Variants in HCN1 observed in about 807,000 individuals in gnomAD.
HCN1 encodes the protein hyperpolarization activated cyclic nucleotide gated potassium channel 1.
In HCN1, 13 loss-of-function variants were observed where a neutral mutation model predicts 78.9. The observed-to-expected ratio is 0.16, with a 90% CI of 0.11 to 0.26. The LOEUF is 0.26. Ranked by LOEUF, HCN1 falls within the 10% of genes least tolerant of loss-of-function variation. The pLI, the probability that HCN1 is intolerant of heterozygous loss-of-function variation, is 1.00. For synonymous variants in HCN1, 552 were observed against 455.5 expected, an observed-to-expected ratio of 1.21 and a Z score of -2.70; for missense variants, 810 against 1,154.3, an observed-to-expected ratio of 0.70 and a Z score of 4.32.
At chr5:45,373,462 A>G (rs1747481565) in intron 4 of HCN1, among the ~76,000 whole-genome samples, 1 of 138,666 alleles carries the variant, frequency 7.2e-6, no homozygotes, top group Non-Finnish European at 1.5e-5. Flanking sequence ...TATATTATAT[A>G]CATTATATAC....
chr5:45,347,097 C>A (rs1023360136), intron 5 of HCN1, among the ~76,000 whole-genome samples: 13 of 152,184 alleles, frequency 8.5e-5, no homozygotes, highest in African/African-American at 2.4e-4. Context: ...CCCCGAACAG[C>A]CTAACTGGGA....
At chr5:45,557,183 A>G (rs1743487447) in intron 2 of HCN1, among the ~76,000 whole-genome samples, 1 of 152,050 alleles carries the variant, frequency 6.6e-6, no homozygotes, top group Non-Finnish European at 1.5e-5. Context: ...CACATTTGGA[A>G]TTTGAAAACT....
intron 2 of HCN1, among the ~76,000 whole-genome samples, chr5:45,574,390 A>G (rs1229711519): frequency 6.6e-6 from 1 of 152,018 alleles, no homozygotes. Flanking sequence ...TTCTAATGTA[A>G]CTGCTTTGGG....
chr5:45,285,074 A>G (rs1469324652), intron 6 of HCN1, among the ~76,000 whole-genome samples: 2 of 152,062 alleles, frequency 1.3e-5, no homozygotes, highest in South Asian at 2.1e-4. Flanking sequence ...GAGATTCCAG[A>G]TCATCAGAAA....
intron 3 of HCN1, among the ~76,000 whole-genome samples, chr5:45,439,515 C>T (rs1740630294): frequency 6.6e-6 from 1 of 152,048 alleles, no homozygotes; most frequent in Non-Finnish European, 1.5e-5. Context: ...GTTAAAACGG[C>T]AAAGACTGTA....
At chr5:45,563,035 T>C (rs1743636284) in intron 2 of HCN1, among the ~76,000 whole-genome samples, 1 of 152,204 alleles carries the variant, frequency 6.6e-6, no homozygotes, top group Admixed American at 6.5e-5. Context: ...TATAAACAAA[T>C]TGTAAACATT....
At chr5:45,341,157 G>A (rs981410015) in intron 5 of HCN1, among the ~76,000 whole-genome samples, 10 of 152,222 alleles carry the variant, frequency 6.6e-5, no homozygotes, top group Admixed American at 1.3e-4. Context: ...TGAATCAGCC[G>A]TTCACAGATG....
intron 1 of HCN1, among the ~76,000 whole-genome samples, chr5:45,665,542 C>A (rs889337409): frequency 6.6e-6 from 1 of 151,822 alleles, no homozygotes; most frequent in African/African-American, 2.4e-5. Flanking sequence ...AAAAAGCAAA[C>A]AACAAAAACA....
intron 3 of HCN1, among the ~76,000 whole-genome samples, chr5:45,422,662 C>T (rs1291866416): frequency 6.6e-6 from 1 of 152,068 alleles, no homozygotes; most frequent in Non-Finnish European, 1.5e-5. Context: ...GGCTTAGGGC[C>T]CACTTTTCTA....
chr5:45,569,461 T>C (rs911526654), intron 2 of HCN1, among the ~76,000 whole-genome samples: 2 of 152,142 alleles, frequency 1.3e-5, no homozygotes, highest in African/African-American at 4.8e-5. Context: ...TGAAAGTTTG[T>C]TTGATATTTG....
intron 4 of HCN1, among the ~76,000 whole-genome samples, chr5:45,372,143 ATATTATATAATATGT>A (rs1397110035): frequency 1.9e-5 from 1 of 52,954 alleles, no homozygotes; most frequent in African/African-American, 1.2e-4. Context: ...ATATAATAAT[ATATTATATAATATGT>A]TATTATATAT....
At chr5:45,605,156 AT>A (rs976782820) in intron 2 of HCN1, among the ~76,000 whole-genome samples, 1 of 152,028 alleles carries the variant, frequency 6.6e-6, no homozygotes, top group Admixed American at 6.6e-5. Context: ...TTACTAGTAT[AT>A]TTTTGAGACC....
At chr5:45,646,060 C>T (rs576201638) in intron 1 of HCN1, among the ~76,000 whole-genome samples, 1 of 151,810 alleles carries the variant, frequency 6.6e-6, no homozygotes, top group African/African-American at 2.4e-5. Context: ...AAAAAAAAAC[C>T]CAGAAATAAA....
intron 1 of HCN1, among the ~76,000 whole-genome samples, chr5:45,677,264 T>C (rs1339282529): frequency 6.6e-6 from 1 of 151,790 alleles, no homozygotes; most frequent in Non-Finnish European, 1.5e-5. Context: ...CACAAAAAAA[T>C]AGAGTGATAT....
chr5:45,482,141 G>T (rs903890201), intron 2 of HCN1, among the ~76,000 whole-genome samples: 4 of 152,112 alleles, frequency 2.6e-5, no homozygotes, highest in Admixed American at 1.3e-4. Flanking sequence ...AAAAAACCTG[G>T]AAACGATTAA....
chr5:45,455,431 T>A (rs969797951), intron 3 of HCN1, among the ~76,000 whole-genome samples: 3 of 152,048 alleles, frequency 2.0e-5, no homozygotes, highest in Non-Finnish European at 4.4e-5. Flanking sequence ...AATAAAAGCA[T>A]GTTAGAATGT....
chr5:45,572,486 C>G (rs564762739), intron 2 of HCN1, among the ~76,000 whole-genome samples: 28 of 152,224 alleles, frequency 1.8e-4, no homozygotes, highest in East Asian at 5.8e-4. Context: ...TGGAAAATAT[C>G]TATAAATGAT....
intron 2 of HCN1, among the ~76,000 whole-genome samples, chr5:45,464,664 GTATATAA>G (rs1346752787): frequency 6.6e-6 from 1 of 151,452 alleles, no homozygotes; most frequent in African/African-American, 2.5e-5. Context: ...CATATGTAAA[GTATATAA>G]TATTACTTGT....
At position 45,375,930 on chromosome 5, in the gene HCN1, TATA is replaced by T. The variant is rs1339223323; in HGVS notation, c.1230+20559_1230+20561del. ...ATTTTATCTTATATATTATATATGA[TATA>T]ATATTTTATCACATATATTATATAT... On this transcript the variant is annotated intron_variant, in intron 4 of 7. Transcript: ENST00000303230. 2.5e-4 allele frequency among the ~76,000 whole-genome samples: 31 copies of T among 122,204 alleles called. No individual in the cohort carries two copies. In the South Asian group the frequency reaches 4.1e-3, roughly 16 times the overall value. 80.2% of individuals were successfully genotyped at this position (122,204 alleles called of 152,430 possible).
Sources: gnomAD v4.1 joint callset for allele counts (sites outside exome capture counted in the v4.1 genomes callset) on GRCh38, gnomAD v4.1.1 for gene constraint, MANE v1.5 for transcripts, NCBI Gene and HGNC (gene_info 2026-07-23, HGNC 2026-07-21) for gene names.